KNOP1: variants seen among roughly 807,000 people sequenced by gnomAD.
The protein encoded by KNOP1 is lysine-rich nucleolar protein 1.
A neutral mutation model predicts 30.6 loss-of-function variants in KNOP1; 20 were observed. The observed-to-expected ratio is 0.65, with a 90% CI of 0.46 to 0.95. The LOEUF is 0.95. Among genes scored for constraint, KNOP1 ranks in the 40% least tolerant of loss-of-function variants. The pLI is 0.00. For missense variants in KNOP1, 540 were observed against 562.0 expected (o/e 0.96, Z 0.40); for synonymous variants, 204 against 210.0 (o/e 0.97, Z 0.25).
At position 19,714,110 on chromosome 16, in the gene KNOP1, A is replaced by G; in HGVS notation, c.918+8T>C. Reference sequence around the variant, plus strand: ...CACGGCAAAGTCCATTTCTGAAGGAAAAACTACCTCCTTCCAAGGGTCTCC... The same window carrying G: ...CACGGCAAAGTCCATTTCTGAAGGAGAAACTACCTCCTTCCAAGGGTCTCC... On this transcript the variant is annotated splice_region_variant and intron_variant, in intron 2 of 4. Transcript: ENST00000219837. The G allele has an allele frequency of 6.2e-7, 1 of 1,601,998 alleles. No homozygotes were observed. The highest frequency in any genetic ancestry group is 2.2e-5 in the East Asian group (1 of 44,830).
chr16:19,702,404 A>G lies in KNOP1; in HGVS notation c.*4506T>C, dbSNP rs1976197784. The G allele has an allele frequency of 6.6e-6, 1 of 152,258 alleles. No individual in the cohort carries two copies. Among genetic ancestry groups the G allele is most frequent in the African/African-American group, 2.4e-5 (1 of 41,468 alleles). 9.4% of individuals were successfully genotyped at this position (152,258 alleles called of 1,614,324 possible). On this transcript the variant is annotated 3_prime_UTR_variant, in exon 5 of 5. Transcript: ENST00000219837. ...GTCATTTCTTCTCCTCTGAGGCTGA[A>G]CGTGGTGGGCAGCATTAGTTCCCAA...
rs978355067 is a variant in KNOP1 at position 19,706,688 on chromosome 16, A to G, written c.*222T>C. 2.3e-5 allele frequency: 13 copies of G among 558,134 alleles called. No individual in the cohort carries two copies. The highest frequency in any genetic ancestry group is 1.1e-4 in the African/African-American group (6 of 53,042). The allele number at this position is 558,134 out of a possible 1,614,324, so 34.6% of individuals were successfully genotyped here. A position where few individuals can be genotyped will look rare whatever the true frequency, so the allele number is the denominator to read the frequency against. Reference sequence around the variant, plus strand: ...CGTCCTTAATCTCCACAGGTGTTCAATGTGAGCCAACTGTCAGATGGCTTT... The same window carrying G: ...CGTCCTTAATCTCCACAGGTGTTCAGTGTGAGCCAACTGTCAGATGGCTTT... On this transcript the variant is annotated 3_prime_UTR_variant, in exon 5 of 5. Transcript: ENST00000219837.
At chr16:19,718,003 G>A in intron 1 of KNOP1, 155 bp downstream of exon 1, 2 of 1,326,124 alleles carry the variant, frequency 1.5e-6, no homozygotes, top group South Asian at 3.2e-5. Context: ...TTCTGGAGGC[G>A]GCGGCCTCAG....
chr16:19,711,277 G>A, intron 3 of KNOP1, 95 bp downstream of exon 3: 2 of 1,277,720 alleles, frequency 1.6e-6, no homozygotes, highest in South Asian at 2.4e-5. Flanking sequence ...GTGCCCCTGA[G>A]ACCAGGATCA....
chr16:19,717,336 G>A (rs1345104496), intron 1 of KNOP1: 1 of 985,280 alleles, frequency 1.0e-6, no homozygotes, highest in Non-Finnish European at 1.2e-6. Context: ...AGCTTGCAAA[G>A]AAGAAGGTGC....
At chr16:19,712,174 T>G (rs147196211) in intron 2 of KNOP1, 2 of 152,242 alleles carry the variant, frequency 1.3e-5, no homozygotes, top group Non-Finnish European at 2.9e-5. Context: ...TAGAGTCTGA[T>G]GGCGGCTGGG....
Position 19,714,727 on chromosome 16 carries a change from C to T in KNOP1, c.309G>A (p.Val103=), listed in dbSNP as rs1976918348. The T allele has an allele frequency of 1.9e-6, 3 of 1,614,222 alleles. No individual in the cohort carries two copies. The highest frequency in any genetic ancestry group is 2.5e-6 in the Non-Finnish European group (3 of 1,180,046). ...TEKSPSLRKQ[V]FGHLEFLSGE... is the part of the protein sequence containing the mutation. Reference sequence around the variant, plus strand: ...CACTGAGGAACTCCAAGTGGCCAAACACCTGCTTCCTGAGGCTGGGTGACT... The same window carrying T: ...CACTGAGGAACTCCAAGTGGCCAAATACCTGCTTCCTGAGGCTGGGTGACT... Residue 103 remains valine (V), a synonymous_variant, in exon 2 of 5, where the codon GTG becomes GTA. Transcript: ENST00000219837.
chr16:19,715,322 C>T, intron 1 of KNOP1: 1 of 324,482 alleles, frequency 3.1e-6, no homozygotes, highest in Non-Finnish European at 5.5e-6. Context: ...GGGAATATAA[C>T]ACCTCCCTCC....
At position 19,706,803 on chromosome 16, in the gene KNOP1, G is replaced by T; in HGVS notation, c.*107C>A. ...GAGTTATTTATATCTTACTGCTCGA[G>T]GTCCTCACCAAGATCTGATTTTTTC... On this transcript the variant is annotated 3_prime_UTR_variant, in exon 5 of 5. Transcript: ENST00000219837. The T allele has an allele frequency of 8.8e-7, 1 of 1,138,074 alleles. No homozygotes were observed. Among genetic ancestry groups the T allele is most frequent in the Non-Finnish European group, 1.3e-6 (1 of 777,696 alleles). The allele number at this position is 1,138,074 out of a possible 1,614,324, so 70.5% of individuals were successfully genotyped here. A position where few individuals can be genotyped will look rare whatever the true frequency, so the allele number is the denominator to read the frequency against.
chr16:19,717,702 C>G (rs944334659), intron 1 of KNOP1: 13 of 987,480 alleles, frequency 1.3e-5, no homozygotes, highest in Non-Finnish European at 1.6e-5. Flanking sequence ...CAGGGACAGC[C>G]TTGTGAAGAT....
Position 19,714,320 on chromosome 16 carries a change from G to A in KNOP1, c.716C>T (p.Pro239Leu). ...TGGCTTCTTTTTACTTCCTTTCCTA[G>A]GGCTGCTCTCCATGGACCTGGAGGG... ...SKPSRSMESS[P>L]RKGSKKKPVK... The change falls in exon 2 of 5, where the codon CCT becomes CTT. Residue 239 changes from proline (P) to leucine (L), a missense_variant. By Grantham distance (98) the Pro-to-Leu change is moderately conservative (BLOSUM62 -3). Coordinates refer to ENST00000219837, the MANE Select transcript of KNOP1 (RefSeq NM_001012991.3). 2 of 1,613,992 alleles carry A rather than the reference G, an allele frequency of 1.2e-6. No homozygotes were observed. The highest frequency in any genetic ancestry group is 1.7e-6 in the Non-Finnish European group (2 of 1,179,996).
At chr16:19,713,311 T>C (rs1235462540) in intron 2 of KNOP1, among the ~76,000 whole-genome samples, 1 of 152,186 alleles carries the variant, frequency 6.6e-6, no homozygotes, top group African/African-American at 2.4e-5. Flanking sequence ...CAGGCTGGTC[T>C]CGAACTCCTG....
chr16:19,710,376 G>T (rs1405974538), intron 4 of KNOP1, 133 bp downstream of exon 4: 5 of 854,490 alleles, frequency 5.9e-6, no homozygotes, highest in Admixed American at 1.8e-5. Flanking sequence ...GAGGGAGCCT[G>T]CTGCAGGCTA....
At chr16:19,718,103 T>C in intron 1 of KNOP1, 55 bp downstream of exon 1, 1 of 1,434,412 alleles carries the variant, frequency 7.0e-7, no homozygotes. Flanking sequence ...GCACTTCCTC[T>C]GGTGCAATCT....
In KNOP1 at chr16:19,702,670, A is replaced by G. The variant is rs1018682246; in HGVS notation, c.*4240T>C. On this transcript the variant is annotated 3_prime_UTR_variant, in exon 5 of 5. Coordinates refer to ENST00000219837, the MANE Select transcript of KNOP1 (RefSeq NM_001012991.3). Reference sequence around the variant, plus strand: ...GTCTATCATTAGCAAGGATGGAGCAATAAGATGTCAGCCAGAATTGTAGAA... The same window carrying G: ...GTCTATCATTAGCAAGGATGGAGCAGTAAGATGTCAGCCAGAATTGTAGAA... 1 of 152,142 alleles carries G rather than the reference A, an allele frequency of 6.6e-6. No individual in the cohort carries two copies. The highest frequency in any genetic ancestry group is 2.4e-5 in the African/African-American group (1 of 41,434). 9.4% of individuals were successfully genotyped at this position (152,142 alleles called of 1,614,324 possible).
chr16:19,706,719 G>A lies in KNOP1; in HGVS notation c.*191C>T. 1 of 648,458 alleles carries A rather than the reference G, an allele frequency of 1.5e-6. No homozygotes were observed. Among genetic ancestry groups the A allele is most frequent in the Non-Finnish European group, 2.7e-6 (1 of 376,172 alleles). 40.2% of individuals were successfully genotyped at this position (648,458 alleles called of 1,614,324 possible). Reference sequence around the variant, plus strand: ...GCCAACTGTCAGATGGCTTTCATTTGCACAACTGAATAAACCATTTATGCC... The same window carrying A: ...GCCAACTGTCAGATGGCTTTCATTTACACAACTGAATAAACCATTTATGCC... On this transcript the variant is annotated 3_prime_UTR_variant, in exon 5 of 5. Coordinates refer to ENST00000219837, the MANE Select transcript of KNOP1 (RefSeq NM_001012991.3).
chr16:19,717,054 G>A (rs1977162517), intron 1 of KNOP1, among the ~76,000 whole-genome samples: 1 of 151,770 alleles, frequency 6.6e-6, no homozygotes, highest in African/African-American at 2.4e-5. Context: ...TGTTGGCCAG[G>A]CTGGTCTCCA....
rs367849856 is a variant in KNOP1, at chr16:19,705,198, T to C, written c.*1712A>G. ...CCAACACTGGAGATGATGGAGAGAATGCTTCCTTGGCGAGCTGTTGAACCA... is the reference window on the plus strand; with the variant it reads ...CCAACACTGGAGATGATGGAGAGAACGCTTCCTTGGCGAGCTGTTGAACCA... On this transcript the variant is annotated 3_prime_UTR_variant, in exon 5 of 5. Coordinates refer to ENST00000219837, the MANE Select transcript of KNOP1 (RefSeq NM_001012991.3). The C allele has an allele frequency of 2.3e-4, 104 of 456,074 alleles. No homozygotes were observed. The East Asian group carries it at 6.3e-3, about 27-fold the overall frequency. 28.3% of individuals were successfully genotyped at this position (456,074 alleles called of 1,614,324 possible). A position where few individuals can be genotyped will look rare whatever the true frequency, so the allele number is the denominator to read the frequency against.
In KNOP1 at chr16:19,702,972, G is replaced by T. The variant is rs1225657648; in HGVS notation, c.*3938C>A. The T allele has an allele frequency of 6.6e-6, 1 of 151,576 alleles. No individual in the cohort carries two copies. Among genetic ancestry groups the T allele is most frequent in the African/African-American group, 2.4e-5 (1 of 41,144 alleles). 9.4% of individuals were successfully genotyped at this position (151,576 alleles called of 1,614,324 possible). A position where few individuals can be genotyped will look rare whatever the true frequency, so the allele number is the denominator to read the frequency against. Reference sequence around the variant, plus strand: ...ATCACGCCTCTGCACTCCAGCCTGGGCGTGGAGTGAGAGTGAGACTGTCTC... The same window carrying T: ...ATCACGCCTCTGCACTCCAGCCTGGTCGTGGAGTGAGAGTGAGACTGTCTC... On this transcript the variant is annotated 3_prime_UTR_variant, in exon 5 of 5. Transcript: ENST00000219837.
Sources: allele counts gnomAD v4.1 joint callset (sites outside exome capture counted in the v4.1 genomes callset), GRCh38; gene constraint gnomAD v4.1.1; transcripts MANE v1.5; gene names NCBI Gene and HGNC (gene_info 2026-07-23, HGNC 2026-07-21).